CHM: variants seen among roughly 807,000 people sequenced by gnomAD.
The protein encoded by CHM is rab proteins geranylgeranyltransferase component A 1.
CHM carries 10 observed loss-of-function variants against 49.0 expected under a neutral mutation model. That is an observed-to-expected ratio of 0.20 (90% CI 0.13 to 0.35). CHM has a LOEUF of 0.35. Among genes scored for constraint, CHM ranks in the 10% least tolerant of loss-of-function variants. The probability of loss-of-function intolerance (pLI) is 1.00; values close to 1 mark genes in which losing one functional copy is unlikely to be tolerated. For missense variants in CHM, 455 were observed against 478.4 expected (o/e 0.95, Z 0.46); for synonymous variants, 184 against 167.5 (o/e 1.10, Z -0.76).
intron 14 of CHM, 31 bp downstream of exon 14, chrX:85,873,021 A>G (rs755313103): frequency 8.4e-7 from 1 of 1,188,279 alleles, no homozygotes; most frequent in East Asian, 3.0e-5. Context: ...CAACATCTTA[A>G]TACAAAACTG....
At chrX:85,895,868 C>T (rs982794447) in intron 11 of CHM, among the ~76,000 whole-genome samples, 3 of 109,916 alleles carry the variant, frequency 2.7e-5, no homozygotes, top group Non-Finnish European at 5.7e-5. Flanking sequence ...TGGAAAAGTA[C>T]CTTAATGACT....
intron 2 of CHM, among the ~76,000 whole-genome samples, chrX:85,985,689 G>A (rs966075745): frequency 2.5e-4 from 28 of 112,391 alleles, no homozygotes; most frequent in African/African-American, 9.0e-4. Context: ...CATCTTCCTC[G>A]GATGGATCTC....
At chrX:85,909,608 C>G (rs1288654799) in intron 9 of CHM, among the ~76,000 whole-genome samples, 1 of 111,837 alleles carries the variant, frequency 8.9e-6, no homozygotes, top group Non-Finnish European at 1.9e-5. Context: ...TCTGTTGCAA[C>G]TGGAATCTGT....
At chrX:85,920,415 T>C (rs1206212745) in intron 8 of CHM, among the ~76,000 whole-genome samples, 1 of 111,738 alleles carries the variant, frequency 8.9e-6, no homozygotes, top group Admixed American at 9.5e-5. Context: ...AAATCTTTTG[T>C]AAGTGGGTAA....
At chrX:85,983,976 C>A (rs940011179) in intron 2 of CHM, among the ~76,000 whole-genome samples, 1 of 110,243 alleles carries the variant, frequency 9.1e-6, no homozygotes, top group Non-Finnish European at 1.9e-5. Flanking sequence ...CCGAGGTGGG[C>A]GGATCACCTG....
intron 8 of CHM, among the ~76,000 whole-genome samples, chrX:85,936,182 A>G (rs1928769450): frequency 8.9e-6 from 1 of 112,001 alleles, no homozygotes; most frequent in Non-Finnish European, 1.9e-5. Flanking sequence ...ACAGACATAA[A>G]TTATTAGCTA....
Position 85,862,143 on chromosome X carries a change from G to T in CHM, c.*2487C>A, listed in dbSNP as rs1923385415. ...AACATTTCAATCATATTTAATAAAT[G>T]ACCTGAAAGAGAGATTCTGATGCTA... On this transcript the variant is annotated 3_prime_UTR_variant, in exon 15 of 15. Coordinates refer to ENST00000357749, the MANE Select transcript of CHM (RefSeq NM_000390.4). 9.0e-6 allele frequency: 1 copy of T among 111,700 alleles called. No homozygotes were observed. Among genetic ancestry groups the T allele is most frequent in the Admixed American group, 9.6e-5 (1 of 10,469 alleles). 9.2% of individuals were successfully genotyped at this position (111,700 alleles called of 1,213,427 possible).
In CHM at chrX:85,863,937, A is replaced by G. The variant is rs1025151728; in HGVS notation, c.*693T>C. 8.9e-6 allele frequency: 1 copy of G among 112,220 alleles called. No homozygotes were observed. Among genetic ancestry groups the G allele is most frequent in the African/African-American group, 3.2e-5 (1 of 30,826 alleles). The allele number at this position is 112,220 out of a possible 1,213,427, so 9.2% of individuals were successfully genotyped here. ...TTGACAGACAGAATATTCAAATACCAATGAGCCTATCCACACCTTTCCTTC... is the reference window on the plus strand; with the variant it reads ...TTGACAGACAGAATATTCAAATACCGATGAGCCTATCCACACCTTTCCTTC... On this transcript the variant is annotated 3_prime_UTR_variant, in exon 15 of 15. Coordinates refer to ENST00000357749, the MANE Select transcript of CHM (RefSeq NM_000390.4).
chrX:85,876,541 G>A (rs1443088218), intron 13 of CHM, among the ~76,000 whole-genome samples: 2 of 111,385 alleles, frequency 1.8e-5, no homozygotes, highest in Admixed American at 1.9e-4. Flanking sequence ...TTCTCCAGGT[G>A]ACTTTGCCTT....
intron 4 of CHM, among the ~76,000 whole-genome samples, chrX:85,964,299 A>C (rs1013687304): frequency 2.7e-5 from 3 of 111,299 alleles, no homozygotes; most frequent in African/African-American, 9.8e-5. Flanking sequence ...GTGATGAAGA[A>C]CACAGTCTTC....
intron 4 of CHM, chrX:85,969,125 A>AT: frequency 5.8e-6 from 4 of 691,991 alleles, no homozygotes; most frequent in Non-Finnish European, 6.9e-6. Context: ...TATTTTTGGT[A>AT]TGAATACATT....
intron 8 of CHM, among the ~76,000 whole-genome samples, chrX:85,934,215 T>C (rs1316204794): frequency 1.9e-5 from 2 of 107,746 alleles, no homozygotes; most frequent in Non-Finnish European, 3.8e-5. Context: ...CTCCTGACCT[T>C]GTGATCTGCC....
chrX:85,884,755 A>C (rs1924985540), intron 12 of CHM, among the ~76,000 whole-genome samples: 1 of 111,105 alleles, frequency 9.0e-6, no homozygotes, highest in Non-Finnish European at 1.9e-5. Flanking sequence ...AGGTAGTTTT[A>C]TGTCTTAAGC....
intron 8 of CHM, among the ~76,000 whole-genome samples, chrX:85,918,435 C>G (rs1325338685): frequency 1.8e-5 from 2 of 111,771 alleles, no homozygotes; most frequent in Admixed American, 1.9e-4. Context: ...AGATACTTGC[C>G]AGCAGAAAAA....
chrX:85,914,090 G>C (rs774467741), intron 8 of CHM, among the ~76,000 whole-genome samples: 2 of 111,578 alleles, frequency 1.8e-5, no homozygotes, highest in East Asian at 5.7e-4. Context: ...TGGAATGCTA[G>C]ATGCAGGAGC....
chrX:85,974,228 A>C (rs1160643399), intron 4 of CHM, among the ~76,000 whole-genome samples: 2 of 112,279 alleles, frequency 1.8e-5, no homozygotes, highest in Non-Finnish European at 3.8e-5. Context: ...AAATTACAAA[A>C]TTCTATTGAA....
At chrX:85,970,249 A>T in intron 4 of CHM, 34 of 747,516 alleles carry the variant, frequency 4.5e-5, no homozygotes, top group Non-Finnish European at 5.2e-5. Context: ...TGGCATATAA[A>T]CTGGTCTCAA....
At chrX:85,870,595 T>C (rs1445198167) in intron 14 of CHM, among the ~76,000 whole-genome samples, 1 of 111,882 alleles carries the variant, frequency 8.9e-6, no homozygotes, top group Non-Finnish European at 1.9e-5. Context: ...AGGGTGGGGC[T>C]CCTGAAGGAG....
chrX:85,900,942 C>A, intron 10 of CHM, 142 bp downstream of exon 10: 2 of 527,652 alleles, frequency 3.8e-6, no homozygotes, highest in Non-Finnish European at 6.5e-6. Context: ...CTAGGCTTCC[C>A]TAAAACCAGA....
Sources: gnomAD v4.1 joint callset for allele counts (sites outside exome capture counted in the v4.1 genomes callset) on GRCh38, gnomAD v4.1.1 for gene constraint, MANE v1.5 for transcripts, NCBI Gene and HGNC (gene_info 2026-07-23, HGNC 2026-07-21) for gene names.